Variants in PLEKHA8 observed in about 807,000 individuals in gnomAD.
PLEKHA8 encodes the protein pleckstrin homology domain-containing family A member 8.
PLEKHA8 carries 36 observed loss-of-function variants against 68.2 expected under a neutral mutation model. The observed-to-expected ratio is 0.53, with a 90% CI of 0.40 to 0.70. The LOEUF (loss-of-function observed/expected upper bound fraction) is 0.70. PLEKHA8 is among the 30% of genes least tolerant of loss of function. The probability of loss-of-function intolerance (pLI) is 0.00; values close to 1 mark genes in which losing one functional copy is unlikely to be tolerated. For missense variants in PLEKHA8, 505 were observed against 615.4 expected (o/e 0.82, Z 1.90); for synonymous variants, 211 against 216.1 (o/e 0.98, Z 0.20).
At chr7:30,055,157 C>T (rs760202349) in intron 8 of PLEKHA8, 100 bp from the exon 9 acceptor site, 1 of 1,051,390 alleles carries the variant, frequency 9.5e-7, no homozygotes, top group South Asian at 1.3e-5. Flanking sequence ...AAACGATTTG[C>T]CCTACAGAGA....
At position 30,049,349 on chromosome 7, in the gene PLEKHA8, A is replaced by T. The variant is rs747254644; in HGVS notation, c.564A>T (p.Gly188=). The T allele has an allele frequency of 1.2e-6, 2 of 1,614,164 alleles. No individual in the cohort carries two copies. Among genetic ancestry groups the T allele is most frequent in the South Asian group, 2.2e-5 (2 of 91,080 alleles). Residue 188 remains glycine, a synonymous_variant, in exon 5 of 14, where the codon GGA becomes GGT. Coordinates refer to ENST00000449726, the MANE Select transcript of PLEKHA8 (RefSeq NM_001197026.2). ...AGCTGCTCTACCGCACTCCACCAGG[A>T]TCACCTCAGCTGGCCATGCTCAAGT... is the stretch of plus-strand genomic sequence containing the variant. ...TSELLYRTPP[G]SPQLAMLKSS... is the part of the protein sequence containing the mutation.
intron 1 of PLEKHA8, among the ~76,000 whole-genome samples, chr7:30,043,161 T>C (rs1379392214): frequency 1.3e-5 from 2 of 152,194 alleles, no homozygotes; most frequent in Non-Finnish European, 2.9e-5. Flanking sequence ...CACTGTCGGC[T>C]AATTTTTGTA....
chr7:30,078,438 C>T (rs572431838), intron 13 of PLEKHA8, among the ~76,000 whole-genome samples, 152 bp from the exon 14 acceptor site: 1 of 152,148 alleles, frequency 6.6e-6, no homozygotes, highest in Non-Finnish European at 1.5e-5. Context: ...TTAGAGAAGC[C>T]ACAAATTAGA....
intron 13 of PLEKHA8, among the ~76,000 whole-genome samples, chr7:30,104,427 T>A (rs2128013346): frequency 6.6e-6 from 1 of 152,320 alleles, no homozygotes; most frequent in South Asian, 2.1e-4. Flanking sequence ...GTTTGTCTCT[T>A]CACTTTGCTA....
At chr7:30,101,640 T>A (rs1480074624) in intron 13 of PLEKHA8, among the ~76,000 whole-genome samples, 1 of 152,194 alleles carries the variant, frequency 6.6e-6, no homozygotes, top group East Asian at 1.9e-4. Flanking sequence ...TTTCAACATA[T>A]GAATTTGGGG....
chr7:30,033,050 G>A lies in PLEKHA8; in HGVS notation c.40+4248G>A, dbSNP rs76857249. On this transcript the variant is annotated intron_variant, in intron 1 of 13. Coordinates refer to ENST00000449726, the MANE Select transcript of PLEKHA8 (RefSeq NM_001197026.2). ...CCTATATACTATATATACTAGTGCT[G>A]TGTAAACAGTACCAGGAAGACATCT... 2.6e-5 allele frequency among the ~76,000 whole-genome samples: 4 copies of A among 152,360 alleles called. No individual in the cohort carries two copies. The East Asian group carries it at 7.7e-4, about 29-fold the overall frequency.
intron 13 of PLEKHA8, chr7:30,075,027 G>GT (rs1321173421): frequency 6.6e-6 from 1 of 152,182 alleles, no homozygotes; most frequent in Non-Finnish European, 1.5e-5. Flanking sequence ...TCATGCAGTT[G>GT]TATGTCAGGA....
At chr7:30,126,814 A>C (rs886129485) in intron 13 of PLEKHA8, among the ~76,000 whole-genome samples, 5 of 152,200 alleles carry the variant, frequency 3.3e-5, no homozygotes, top group African/African-American at 1.2e-4. Context: ...CGTGAGAGTT[A>C]TTCACTATCA....
At chr7:30,122,703 CAACCTGTT>C (rs1796714314) in intron 13 of PLEKHA8, among the ~76,000 whole-genome samples, 1 of 152,154 alleles carries the variant, frequency 6.6e-6, no homozygotes, top group South Asian at 2.1e-4. Flanking sequence ...CAGTAATAGA[CAACCTGTT>C]AACTGGAATG....
At chr7:30,032,795 A>G (rs62446674) in intron 1 of PLEKHA8, among the ~76,000 whole-genome samples, 20,458 of 152,176 alleles carry the variant, frequency 0.13, 1,433 homozygotes, top group Middle Eastern at 0.19. Flanking sequence ...TGTGCTTTCT[A>G]CTTTGTAGTT....
At chr7:30,115,764 A>T (rs557073332) in intron 13 of PLEKHA8, 1 of 148,976 alleles carries the variant, frequency 6.7e-6, no homozygotes, top group Non-Finnish European at 1.5e-5. Flanking sequence ...ACATACATGT[A>T]TACACGTATG....
At chr7:30,071,681 G>GC (rs1794247491) in intron 12 of PLEKHA8, 1 of 152,158 alleles carries the variant, frequency 6.6e-6, no homozygotes, top group Middle Eastern at 3.2e-3. Context: ...GTTGAATAGA[G>GC]CAGGTGTTCA....
rs200086157 is a variant in PLEKHA8 at position 30,060,908 on chromosome 7, C to T, written c.1064C>T (p.Ala355Val). The T allele has an allele frequency of 6.4e-5, 103 of 1,613,240 alleles. No homozygotes were observed. The highest frequency in any genetic ancestry group is 1.3e-5 in the Non-Finnish European group (15 of 1,179,724). The change falls in exon 10 of 14, where the codon GCT becomes GTT. Residue 355 changes from alanine to valine, a missense_variant. Physicochemically the swap from Ala to Val is moderately conservative, Grantham distance 64 (BLOSUM62 0). Transcript: ENST00000449726. ...GACAAACTTGGCCCTACAGTGTTTG[C>T]TCCTGTTAAGATGGATCTTGTTGGA... ...VLDKLGPTVF[A>V]PVKMDLVGNI...
rs1794915950 is a variant in PLEKHA8 at position 30,081,247 on chromosome 7, A to G, written c.*2460A>G. On this transcript the variant is annotated 3_prime_UTR_variant, in exon 14 of 14. Coordinates refer to ENST00000449726, the MANE Select transcript of PLEKHA8 (RefSeq NM_001197026.2). ...TTTTCCACATCTGTAGAAAGAGGGTAATATTTTTTAATAGGTATTTTCCCC... is the reference window on the plus strand; with the variant it reads ...TTTTCCACATCTGTAGAAAGAGGGTGATATTTTTTAATAGGTATTTTCCCC... The G allele has an allele frequency of 1.0e-6, 1 of 985,272 alleles. No individual in the cohort carries two copies. Among genetic ancestry groups the G allele is most frequent in the Non-Finnish European group, 1.2e-6 (1 of 829,896 alleles). The allele number at this position is 985,272 out of a possible 1,614,324, so 61.0% of individuals were successfully genotyped here.
In PLEKHA8 at chr7:30,080,241, T is replaced by C. The variant is rs1250769374; in HGVS notation, c.*1454T>C. The C allele has an allele frequency of 2.0e-6, 2 of 985,274 alleles. No homozygotes were observed. The highest frequency in any genetic ancestry group is 2.3e-4 in the East Asian group (2 of 8,824). The allele number at this position is 985,274 out of a possible 1,614,324, so 61.0% of individuals were successfully genotyped here. On this transcript the variant is annotated 3_prime_UTR_variant, in exon 14 of 14. Coordinates refer to ENST00000449726, the MANE Select transcript of PLEKHA8 (RefSeq NM_001197026.2). ...TTCATAAAACAATATTGAGTGGGCATTCTTCTGCACAGTGTGATGCTCCAA... is the reference window on the plus strand; with the variant it reads ...TTCATAAAACAATATTGAGTGGGCACTCTTCTGCACAGTGTGATGCTCCAA...
chr7:30,052,235 G>T (rs541116272), intron 6 of PLEKHA8, among the ~76,000 whole-genome samples: 11 of 152,324 alleles, frequency 7.2e-5, no homozygotes, highest in Admixed American at 7.2e-4. Flanking sequence ...CAGCCTTGAG[G>T]CTGGACTGCT....
intron 1 of PLEKHA8, among the ~76,000 whole-genome samples, chr7:30,038,082 G>A (rs1177615747): frequency 2.0e-5 from 3 of 152,114 alleles, no homozygotes; most frequent in South Asian, 4.1e-4. Flanking sequence ...AGGAACTGTG[G>A]CGGACTTAAA....
At chr7:30,105,331 A>G (rs2128013941) in intron 13 of PLEKHA8, among the ~76,000 whole-genome samples, 1 of 150,418 alleles carries the variant, frequency 6.6e-6, no homozygotes, top group Admixed American at 6.6e-5. Context: ...AAAAAAAAAA[A>G]AAAAAAGCCA....
intron 1 of PLEKHA8, among the ~76,000 whole-genome samples, chr7:30,039,427 A>G (rs950935212): frequency 2.0e-5 from 3 of 152,144 alleles, no homozygotes; most frequent in Non-Finnish European, 4.4e-5. Flanking sequence ...AGGCAGGAGA[A>G]TCGCTTGAAC....
Sources: gnomAD v4.1 joint callset for allele counts (sites outside exome capture counted in the v4.1 genomes callset) on GRCh38, gnomAD v4.1.1 for gene constraint, MANE v1.5 for transcripts, NCBI Gene and HGNC (gene_info 2026-07-23, HGNC 2026-07-21) for gene names.